PITPNA: variants seen among roughly 807,000 people sequenced by gnomAD.
PITPNA encodes phosphatidylinositol transfer protein alpha isoform.
A neutral mutation model predicts 50.3 loss-of-function variants in PITPNA; 13 were observed. The ratio of observed to expected loss-of-function variants is 0.26; its 90% CI spans 0.17 to 0.41. The LOEUF is 0.41. Among genes scored for constraint, PITPNA ranks in the 10% least tolerant of loss-of-function variants. PITPNA has a pLI of 1.00. For missense variants in PITPNA, 207 were observed against 333.4 expected, an observed-to-expected ratio of 0.62 and a Z score of 2.95; for synonymous variants, 120 against 119.6, an observed-to-expected ratio of 1.00 and a Z score of -0.02.
chr17:1,553,183 G>C, intron 2 of PITPNA, 34 bp from the exon 3 acceptor site: 1 of 1,611,182 alleles, frequency 6.2e-7, no homozygotes, highest in Non-Finnish European at 8.5e-7. Flanking sequence ...TTCTCAACAC[G>C]GACCCTTCTC....
chr17:1,557,134 G>A (rs1048926093), intron 2 of PITPNA, among the ~76,000 whole-genome samples: 13 of 152,040 alleles, frequency 8.6e-5, no homozygotes, highest in Admixed American at 4.6e-4. Context: ...CCCCAGTCTC[G>A]TTTCTCTTTT....
chr17:1,541,672 A>G (rs762917244), intron 5 of PITPNA, 32 bp from the exon 6 acceptor site: 112 of 1,401,652 alleles, frequency 8.0e-5, no homozygotes, highest in Non-Finnish European at 1.1e-4. Flanking sequence ...CATGAAAGTC[A>G]CTAGGTTCAC....
intron 2 of PITPNA, among the ~76,000 whole-genome samples, chr17:1,554,682 C>G (rs2075726678): frequency 6.6e-6 from 1 of 152,144 alleles, no homozygotes; most frequent in Non-Finnish European, 1.5e-5. Flanking sequence ...TACCAGGCAG[C>G]TTCCTAAGCA....
intron 10 of PITPNA, among the ~76,000 whole-genome samples, chr17:1,525,572 G>A (rs1318765159): frequency 3.4e-5 from 5 of 145,928 alleles, no homozygotes; most frequent in African/African-American, 1.3e-4. Flanking sequence ...AGGCTAGAGT[G>A]CAGTGGCACG....
intron 3 of PITPNA, among the ~76,000 whole-genome samples, chr17:1,551,234 A>G (rs1019346041): frequency 6.6e-6 from 1 of 151,524 alleles, no homozygotes; most frequent in African/African-American, 2.4e-5. Context: ...TCTTGTCACC[A>G]TGGGGAGAGG....
chr17:1,540,909 T>G (rs2075645259), intron 6 of PITPNA, among the ~76,000 whole-genome samples: 2 of 152,242 alleles, frequency 1.3e-5, no homozygotes, highest in South Asian at 4.1e-4. Context: ...GTTGTTTTTT[T>G]GTTTTTGGAG....
chr17:1,533,011 C>T (rs1170505127), intron 10 of PITPNA, among the ~76,000 whole-genome samples: 1 of 152,262 alleles, frequency 6.6e-6, no homozygotes, highest in Non-Finnish European at 1.5e-5. Context: ...GAAGCAGACA[C>T]CGTCCGTGCA....
At chr17:1,524,343 CTTTTTTTT>C (rs398041515) in intron 10 of PITPNA, among the ~76,000 whole-genome samples, 3 of 121,024 alleles carry the variant, frequency 2.5e-5, no homozygotes, top group Non-Finnish European at 5.1e-5. Context: ...CGCACCTGGC[CTTTTTTTT>C]TTTTTTTTTT....
In PITPNA at chr17:1,547,514, G is replaced by A. The variant is rs143421313; in HGVS notation, c.289+782C>T. Among the ~76,000 whole-genome samples the A allele has an allele frequency of 4.1e-3, 626 of 152,098 alleles. 5 individuals carry two copies. The highest frequency in any genetic ancestry group is 0.014 in the African/African-American group (571 of 41,460). Reference sequence around the variant, plus strand: ...AAAATACAAAAATTAGCCGGGCATGGTGGTGTATGCCTGTAATTCCAGCTA... The same window carrying A: ...AAAATACAAAAATTAGCCGGGCATGATGGTGTATGCCTGTAATTCCAGCTA... On this transcript the variant is annotated intron_variant, in intron 4 of 11. Transcript: ENST00000313486.
chr17:1,524,596 C>T lies in PITPNA; in HGVS notation c.769-2951G>A, dbSNP rs563553607. Among the ~76,000 whole-genome samples, 5 of 152,142 alleles carry T rather than the reference C, an allele frequency of 3.3e-5. No homozygotes were observed. In the East Asian group the frequency reaches 7.8e-4, roughly 24 times the overall value. On this transcript the variant is annotated intron_variant, in intron 10 of 11. Transcript: ENST00000313486. Reference sequence around the variant, plus strand: ...TTCTATAATAATAAAATAGAGATAACAGTACATAGGATTGTGATGAAGATT... The same window carrying T: ...TTCTATAATAATAAAATAGAGATAATAGTACATAGGATTGTGATGAAGATT...
intron 7 of PITPNA, among the ~76,000 whole-genome samples, chr17:1,538,196 T>A (rs1380095512): frequency 6.6e-6 from 1 of 152,018 alleles, no homozygotes; most frequent in Non-Finnish European, 1.5e-5. Context: ...GGGCAGAGAG[T>A]TACATTCCTG....
At chr17:1,527,839 A>G (rs1055780155) in intron 10 of PITPNA, among the ~76,000 whole-genome samples, 14 of 152,264 alleles carry the variant, frequency 9.2e-5, no homozygotes, top group Admixed American at 5.9e-4. Context: ...GTTATTTTTT[A>G]TAACTGCAAG....
At chr17:1,538,301 G>A (rs922060606) in intron 7 of PITPNA, 1 of 152,298 alleles carries the variant, frequency 6.6e-6, no homozygotes, top group African/African-American at 2.4e-5. Context: ...CTTCTTGGGT[G>A]CAAAACAGTG....
intron 7 of PITPNA, 166 bp downstream of exon 7, chr17:1,538,703 C>T (rs1269062794): frequency 1.3e-5 from 7 of 535,100 alleles, no homozygotes. Context: ...GTGGCATCCC[C>T]AACTCAAGAC....
At chr17:1,534,357 G>T in intron 9 of PITPNA, 136 bp from the exon 10 acceptor site, 2 of 1,027,452 alleles carry the variant, frequency 1.9e-6, no homozygotes, top group Non-Finnish European at 2.9e-6. Flanking sequence ...TGCCCGGCTG[G>T]TTATCTGGAC....
chr17:1,521,452 G>C, intron 11 of PITPNA, 127 bp downstream of exon 11: 1 of 696,836 alleles, frequency 1.4e-6, no homozygotes, highest in Non-Finnish European at 2.6e-6. Flanking sequence ...GCTATCGAGC[G>C]TGGCAACCAT....
In PITPNA at chr17:1,544,794, C is replaced by T. The variant is rs916338028; in HGVS notation, c.290-1767G>A. Among the ~76,000 whole-genome samples the T allele has an allele frequency of 1.1e-4, 16 of 152,186 alleles. No individual in the cohort carries two copies. The Middle Eastern group carries it at 0.01, about 97-fold the overall frequency. On this transcript the variant is annotated intron_variant, in intron 4 of 11. Transcript: ENST00000313486. ...TTCTACTAAAAATATAAAAATTAGC[C>T]GGGTGTGGTGGCGCATGCCTGTAAT...
rs548037052 is a variant in PITPNA at position 1,518,476 on chromosome 17, C to T, written c.*2085G>A. Reference sequence around the variant, plus strand: ...ACTGTTGCCCAGCAGCAACACCATCCGTGGGGATGGAACAGACCAGGGACA... The same window carrying T: ...ACTGTTGCCCAGCAGCAACACCATCTGTGGGGATGGAACAGACCAGGGACA... On this transcript the variant is annotated 3_prime_UTR_variant, in exon 12 of 12. Transcript: ENST00000313486. 12 of 152,774 alleles carry T rather than the reference C, an allele frequency of 7.9e-5. No homozygotes were observed. Among genetic ancestry groups the T allele is most frequent in the South Asian group, 6.2e-4 (3 of 4,830 alleles). The allele number at this position is 152,774 out of a possible 1,614,324, so 9.5% of individuals were successfully genotyped here.
At chr17:1,538,687 T>A (rs1598408015) in intron 7 of PITPNA, 182 bp downstream of exon 7, 2 of 519,414 alleles carry the variant, frequency 3.9e-6, no homozygotes, top group South Asian at 5.6e-5. Flanking sequence ...GGCCACTAAT[T>A]TTCTGGTGGC....
Sources: allele counts gnomAD v4.1 joint callset (sites outside exome capture counted in the v4.1 genomes callset), GRCh38; gene constraint gnomAD v4.1.1; transcripts MANE v1.5; gene names NCBI Gene and HGNC (gene_info 2026-07-23, HGNC 2026-07-21).